Variants in LYZL4 observed in about 807,000 individuals in gnomAD.
The protein encoded by LYZL4 is lysozyme like 4.
In LYZL4, 13 loss-of-function variants were observed where a neutral mutation model predicts 17.6. The ratio of observed to expected loss-of-function variants is 0.74; its 90% CI spans 0.48 to 1.18. LYZL4 has a LOEUF of 1.18. Among genes scored for constraint, LYZL4 ranks in the 50% most tolerant of loss-of-function variants. LYZL4 has a pLI of 0.00. For missense variants in LYZL4, 174 were observed against 188.2 expected, an observed-to-expected ratio of 0.92 and a Z score of 0.44; for synonymous variants, 64 against 67.7, an observed-to-expected ratio of 0.95 and a Z score of 0.27.
At chr3:42,369,246 A>G in the LYZL4 span, among the ~76,000 whole-genome samples, 5 of 149,078 alleles carry the variant, frequency 3.4e-5, no homozygotes, top group African/African-American at 1.3e-4. Flanking sequence ...TTGAAAAATA[A>G]TACATTTAAA....
At chr3:42,409,696 T>C (rs1698829123) in intron 1 of LYZL4, among the ~76,000 whole-genome samples, 1 of 152,168 alleles carries the variant, frequency 6.6e-6, no homozygotes, top group Non-Finnish European at 1.5e-5. Context: ...TACATACTCC[T>C]CTCTGTTCCC....
At chr3:42,395,073 A>G (rs917043285), downstream of LYZL4, among the ~76,000 whole-genome samples, 2 of 152,226 alleles carry the variant, frequency 1.3e-5, no homozygotes, top group African/African-American at 4.8e-5. Context: ...GTTGGGGAAT[A>G]TAGAATACCC....
chr3:42,390,545 A>T, the LYZL4 span, among the ~76,000 whole-genome samples: 5 of 147,124 alleles, frequency 3.4e-5, no homozygotes, highest in African/African-American at 7.5e-5. Flanking sequence ...AGGAGCAGCT[A>T]TTTTTTTTTT....
the LYZL4 span, among the ~76,000 whole-genome samples, chr3:42,366,054 G>A: frequency 6.6e-6 from 1 of 152,072 alleles, no homozygotes; most frequent in East Asian, 1.9e-4. Context: ...AGGCACTGGG[G>A]TTAGGGAGTG....
chr3:42,403,834 G>A (rs1698702589), intron 4 of LYZL4, among the ~76,000 whole-genome samples: 1 of 151,952 alleles, frequency 6.6e-6, no homozygotes, highest in East Asian at 1.9e-4. Flanking sequence ...AGATTTGGGG[G>A]AAAAAAAGTA....
the LYZL4 span, among the ~76,000 whole-genome samples, chr3:42,364,135 T>G: frequency 6.6e-6 from 1 of 152,112 alleles, no homozygotes; most frequent in Non-Finnish European, 1.5e-5. Flanking sequence ...ATGGGAGAGC[T>G]TCTCATGGCC....
At chr3:42,364,831 A>G in the LYZL4 span, among the ~76,000 whole-genome samples, 5,084 of 152,186 alleles carry the variant, frequency 0.033, 281 homozygotes, top group African/African-American at 0.12. Flanking sequence ...TACCTTTAGC[A>G]TACTTCCTTT....
At chr3:42,405,644 T>C (rs1248702319) in intron 3 of LYZL4, among the ~76,000 whole-genome samples, 1 of 151,996 alleles carries the variant, frequency 6.6e-6, no homozygotes, top group African/African-American at 2.4e-5. Context: ...GTTTGCTCAT[T>C]AGGGAGGATG....
intron 4 of LYZL4, among the ~76,000 whole-genome samples, chr3:42,401,158 G>A (rs1020902797): frequency 5.3e-5 from 8 of 152,014 alleles, no homozygotes; most frequent in African/African-American, 1.9e-4. Context: ...GCTAACACGG[G>A]ACCTATGCGG....
In LYZL4 at chr3:42,397,324, AC is replaced by A; in HGVS notation, c.381del (p.Trp127CysfsTer?). 6.4e-7 allele frequency: 1 copy of A among 1,572,424 alleles called. No individual in the cohort carries two copies. Among genetic ancestry groups the A allele is most frequent in the Non-Finnish European group, 8.6e-7 (1 of 1,158,588 alleles). ...GTATCGGAGTACTGGCAGTACCGGG[AC>A]CAGGTGGGCCTGTGGAGAGAAGTGA... Reference protein sequence around the residue: ...GKEGMGAWPTWSRYCQYSDTL... With the variant: ...GKEGMGAWPTXSRYCQYSDTL... On this transcript the variant is annotated frameshift_variant, in exon 5 of 5. Transcript: ENST00000287748. LOFTEE classifies it high-confidence loss of function.
At chr3:42,400,402 G>C (rs1425601195) in intron 4 of LYZL4, among the ~76,000 whole-genome samples, 3 of 152,200 alleles carry the variant, frequency 2.0e-5, no homozygotes, top group Non-Finnish European at 4.4e-5. Flanking sequence ...TCATATTGCT[G>C]TGGCCACGAG....
At chr3:42,374,940 G>T in the LYZL4 span, among the ~76,000 whole-genome samples, 3 of 152,004 alleles carry the variant, frequency 2.0e-5, no homozygotes, top group South Asian at 2.1e-4. Context: ...CCCCTGAGTG[G>T]CTGGGACTAA....
the LYZL4 span, among the ~76,000 whole-genome samples, chr3:42,363,430 A>T: frequency 6.6e-6 from 1 of 152,218 alleles, no homozygotes; most frequent in South Asian, 2.1e-4. Flanking sequence ...GATAGCTGCA[A>T]TCTATTTTCA....
intron 4 of LYZL4, among the ~76,000 whole-genome samples, chr3:42,397,645 G>T (rs1395092926): frequency 6.6e-6 from 1 of 151,968 alleles, no homozygotes; most frequent in Non-Finnish European, 1.5e-5. Flanking sequence ...CCCTGCAACG[G>T]AGGTATCATT....
intron 4 of LYZL4, among the ~76,000 whole-genome samples, chr3:42,402,781 C>A (rs1263030759): frequency 6.6e-6 from 1 of 152,166 alleles, no homozygotes; most frequent in East Asian, 1.9e-4. Flanking sequence ...CAACAGAAAT[C>A]CTTTTACATA....
At chr3:42,409,018 A>C (rs940470607) in intron 1 of LYZL4, among the ~76,000 whole-genome samples, 1 of 152,220 alleles carries the variant, frequency 6.6e-6, no homozygotes, top group African/African-American at 2.4e-5. Context: ...TCAAACTCTC[A>C]AGCTGTATGA....
chr3:42,400,204 T>C (rs1384027572), intron 4 of LYZL4, among the ~76,000 whole-genome samples: 1 of 152,080 alleles, frequency 6.6e-6, no homozygotes, highest in Non-Finnish European at 1.5e-5. Context: ...AGGCCTGTCC[T>C]TTCTCCCCCA....
chr3:42,361,560 C>T, the LYZL4 span, among the ~76,000 whole-genome samples: 1 of 147,004 alleles, frequency 6.8e-6, no homozygotes, highest in Non-Finnish European at 1.5e-5. Context: ...AACCCCATCT[C>T]TTAAAAAAAT....
downstream of LYZL4, among the ~76,000 whole-genome samples, chr3:42,395,716 C>G (rs1050752085): frequency 1.3e-5 from 2 of 152,078 alleles, no homozygotes; most frequent in African/African-American, 4.8e-5. Context: ...TAAAAAGGGG[C>G]AGCCCCAAAC....
Sources: allele counts gnomAD v4.1 joint callset (sites outside exome capture counted in the v4.1 genomes callset), GRCh38; gene constraint gnomAD v4.1.1; transcripts MANE v1.5; gene names NCBI Gene and HGNC (gene_info 2026-07-23, HGNC 2026-07-21).